The following FOXP4 variants were observed in gnomAD, a reference collection of about 807,000 sequenced individuals.
FOXP4 encodes the protein forkhead box P4.
A neutral mutation model predicts 82.6 loss-of-function variants in FOXP4; 25 were observed. The ratio of observed to expected loss-of-function variants is 0.30; its 90% CI spans 0.22 to 0.42. FOXP4 has a LOEUF of 0.42. Ranked by LOEUF, FOXP4 falls within the 10% of genes least tolerant of loss-of-function variation. The probability of loss-of-function intolerance (pLI) is 1.00; values close to 1 mark genes in which losing one functional copy is unlikely to be tolerated. For missense variants in FOXP4, 785 were observed against 900.9 expected, an observed-to-expected ratio of 0.87 and a Z score of 1.65; for synonymous variants, 415 against 388.2, an observed-to-expected ratio of 1.07 and a Z score of -0.81.
intron 1 of FOXP4, among the ~76,000 whole-genome samples, chr6:41,549,929 A>T (rs1398716990): frequency 6.6e-6 from 1 of 152,124 alleles, no homozygotes; most frequent in Non-Finnish European, 1.5e-5. Flanking sequence ...AGCAGGCACA[A>T]TGTCTTTATT....
chr6:41,561,892 G>A (rs1266327321), intron 1 of FOXP4, among the ~76,000 whole-genome samples: 2 of 152,192 alleles, frequency 1.3e-5, no homozygotes, highest in Non-Finnish European at 1.5e-5. Context: ...CTGAGCCCAG[G>A]CCCCTGCCTG....
At chr6:41,597,751 C>A in intron 15 of FOXP4, 30 bp from the exon 16 acceptor site, 1 of 1,598,082 alleles carries the variant, frequency 6.3e-7, no homozygotes, top group South Asian at 1.1e-5. Context: ...TGTGGAGCCA[C>A]TGACGAGGCC....
rs555962700 is a variant in FOXP4 at position 41,593,916 on chromosome 6, C to T, written c.1537-954C>T. The stretch of plus-strand genomic sequence containing the variant: ...AGAGGAGACAAGGATGGGGACGAGG[C>T]GGGGGAGGCTAAGGGAGGACAGGTA... On this transcript the variant is annotated intron_variant, in intron 13 of 16. Coordinates refer to ENST00000307972, the MANE Select transcript of FOXP4 (RefSeq NM_001012426.2). This position sits in a 1 kb window ranked among gnomAD's most constrained non-coding sequence, Gnocchi z 4.1. Among the ~76,000 whole-genome samples, 56 of 151,932 alleles carry T rather than the reference C, an allele frequency of 3.7e-4. No individual in the cohort carries two copies. The highest frequency in any genetic ancestry group is 9.8e-4 in the Admixed American group (15 of 15,248).
intron 14 of FOXP4, among the ~76,000 whole-genome samples, chr6:41,595,403 G>A (rs1015016343): frequency 1.2e-4 from 19 of 152,186 alleles, no homozygotes; most frequent in African/African-American, 3.9e-4. Flanking sequence ...GAGGTCCCGC[G>A]ACCCCACCAA....
chr6:41,581,119 C>G (rs1765776321), intron 3 of FOXP4, among the ~76,000 whole-genome samples: 1 of 152,194 alleles, frequency 6.6e-6, no homozygotes, highest in Non-Finnish European at 1.5e-5. Context: ...TTCTTTATAT[C>G]TCACTGCTAT....
intron 1 of FOXP4, among the ~76,000 whole-genome samples, chr6:41,561,647 A>G (rs1764586220): frequency 1.0e-5 from 1 of 98,516 alleles, no homozygotes; most frequent in East Asian, 2.9e-4. Context: ...GCCCCTCATT[A>G]CCAGAGGAAG....
In FOXP4 at chr6:41,593,863, C is replaced by G. The variant is rs1766659744; in HGVS notation, c.1537-1007C>G. Among the ~76,000 whole-genome samples the G allele has an allele frequency of 6.6e-6, 1 of 152,166 alleles. No homozygotes were observed. The highest frequency in any genetic ancestry group is 2.1e-4 in the South Asian group (1 of 4,830). ...CAGGGGCACGGGCTGCCTGCCCTAC[C>G]CGCTTTCTTCCCCGTTTAGAAATGT... On this transcript the variant is annotated intron_variant, in intron 13 of 16. Coordinates refer to ENST00000307972, the MANE Select transcript of FOXP4 (RefSeq NM_001012426.2). This position sits in a 1 kb window ranked among gnomAD's most constrained non-coding sequence, Gnocchi z 4.1.
chr6:41,554,443 C>T (rs115773297), intron 1 of FOXP4, among the ~76,000 whole-genome samples: 2,229 of 152,324 alleles, frequency 0.015, 53 homozygotes, highest in African/African-American at 0.051. Context: ...GCCCTCCTCA[C>T]CTGGCCTCCT....
chr6:41,585,293 C>T lies in FOXP4; in HGVS notation c.424-138C>T, dbSNP rs1300750880. 4 of 869,984 alleles carry T rather than the reference C, an allele frequency of 4.6e-6. No homozygotes were observed. In the African/African-American group the frequency reaches 6.8e-5, roughly 15 times the overall value. The allele number at this position is 869,984 out of a possible 1,614,324, so 53.9% of individuals were successfully genotyped here. On this transcript the variant is annotated intron_variant, in intron 4 of 16. Transcript: ENST00000307972. ...CGCACCCAGACCCTGCTCAGGGCCC[C>T]TCCAGGCTGACTGGGGAAAGCCAGA...
intron 1 of FOXP4, among the ~76,000 whole-genome samples, chr6:41,552,357 A>G (rs1200470519): frequency 6.6e-6 from 1 of 152,066 alleles, no homozygotes; most frequent in Non-Finnish European, 1.5e-5. Context: ...TGCGGCTGTA[A>G]GCACTCAGGG....
intron 1 of FOXP4, among the ~76,000 whole-genome samples, chr6:41,555,322 T>C (rs1416742508): frequency 6.6e-6 from 1 of 152,178 alleles, no homozygotes; most frequent in Non-Finnish European, 1.5e-5. Context: ...TAGGTCTTTG[T>C]ACCATAAGGC....
At chr6:41,578,227 CA>C in intron 3 of FOXP4, 146 bp downstream of exon 3, 1 of 661,588 alleles carries the variant, frequency 1.5e-6, no homozygotes, top group Non-Finnish European at 2.6e-6. Context: ...ACAGTCACTG[CA>C]GGGGTGGGGC....
At chr6:41,568,586 G>A (rs1321101484) in intron 2 of FOXP4, among the ~76,000 whole-genome samples, 1 of 152,212 alleles carries the variant, frequency 6.6e-6, no homozygotes, top group Non-Finnish European at 1.5e-5. Context: ...AAGCAACGCT[G>A]CCCGCTGGCC....
At chr6:41,585,290 C>T (rs914975225) in intron 4 of FOXP4, 141 bp from the exon 5 acceptor site, 2 of 808,366 alleles carry the variant, frequency 2.5e-6, no homozygotes, top group Admixed American at 2.8e-5. Flanking sequence ...CTGCTCAGGG[C>T]CCCTCCAGGC....
chr6:41,598,699 T>C (rs944095172), intron 16 of FOXP4, 90 bp from the exon 17 acceptor site: 1 of 1,533,708 alleles, frequency 6.5e-7, no homozygotes, highest in Non-Finnish European at 8.8e-7. Context: ...CACCCCACTG[T>C]GCCCCAGAGT....
chr6:41,564,434 ATAAAT>A (rs1053660900), intron 1 of FOXP4, among the ~76,000 whole-genome samples: 1 of 152,208 alleles, frequency 6.6e-6, no homozygotes, highest in Non-Finnish European at 1.5e-5. Context: ...GATAAAATGA[ATAAAT>A]TAATTAAATT....
Position 41,584,753 on chromosome 6 carries a change from G to C in FOXP4, c.301-16G>C. Reference sequence around the variant, plus strand: ...TTGGGGTCCAGGGGACAGGGCTAACGGGCCGAATCCTGCAGGTGCCTGTGT... The same window carrying C: ...TTGGGGTCCAGGGGACAGGGCTAACCGGCCGAATCCTGCAGGTGCCTGTGT... On this transcript the variant is annotated splice_polypyrimidine_tract_variant and intron_variant, in intron 3 of 16. Coordinates refer to ENST00000307972, the MANE Select transcript of FOXP4 (RefSeq NM_001012426.2). 6.4e-7 allele frequency: 1 copy of C among 1,571,622 alleles called. No individual in the cohort carries two copies. Among genetic ancestry groups the C allele is most frequent in the Non-Finnish European group, 8.6e-7 (1 of 1,158,110 alleles).
chr6:41,564,797 G>GA (rs1198716660), intron 1 of FOXP4, among the ~76,000 whole-genome samples: 1 of 152,210 alleles, frequency 6.6e-6, no homozygotes, highest in Non-Finnish European at 1.5e-5. Flanking sequence ...TAAAATGGAA[G>GA]ATGGAAGGTG....
chr6:41,581,957 G>C (rs1044262309), intron 3 of FOXP4, among the ~76,000 whole-genome samples: 1 of 152,192 alleles, frequency 6.6e-6, no homozygotes, highest in African/African-American at 2.4e-5. Flanking sequence ...TGAGTGTCTG[G>C]TCTCAGTCTT....
Sources: allele counts gnomAD v4.1 joint callset (sites outside exome capture counted in the v4.1 genomes callset), GRCh38; gene constraint gnomAD v4.1.1; non-coding constraint Gnocchi (gnomAD v3.1); transcripts MANE v1.5; gene names NCBI Gene and HGNC (gene_info 2026-07-23, HGNC 2026-07-21).